FARSA: variants seen among roughly 807,000 people sequenced by gnomAD.
FARSA encodes the protein phenylalanyl-tRNA synthetase subunit alpha, also known as phenylalanine--tRNA ligase alpha subunit.
A neutral mutation model predicts 63.2 loss-of-function variants in FARSA; 37 were observed. The observed-to-expected ratio is 0.59, with a 90% confidence interval of 0.45 to 0.77. FARSA has a LOEUF of 0.77. Ranked by LOEUF, FARSA falls within the 30% of genes least tolerant of loss-of-function variation. The pLI is 0.00. For missense variants in FARSA, 618 were observed against 696.6 expected, an observed-to-expected ratio of 0.89 and a Z score of 1.27; for synonymous variants, 312 against 285.1, an observed-to-expected ratio of 1.09 and a Z score of -0.95.
At position 12,928,835 on chromosome 19, in the gene FARSA, G is replaced by A. The variant is rs1971358864; in HGVS notation, c.516C>T (p.Thr172=). The change falls in exon 5 of 13, where the codon ACC becomes ACT. Residue 172 remains threonine (T), a synonymous_variant. Transcript: ENST00000314606. ...AGGCACTGCCTTTGCTCACCCAGTA[G>A]GTCTTCAGAGTCCTGTGGCCAGGGG... ...RKLLAEVTLK[T]YWVSKGSAFS... 1 of 1,614,020 alleles carries A rather than the reference G, an allele frequency of 6.2e-7. No homozygotes were observed. Among genetic ancestry groups the A allele is most frequent in the Non-Finnish European group, 8.5e-7 (1 of 1,180,020 alleles).
In FARSA at chr19:12,922,752, G is replaced by A. The variant is rs758719242; in HGVS notation, c.1523C>T (p.Ala508Val). The A allele has an allele frequency of 1.7e-5, 27 of 1,613,592 alleles. No homozygotes were observed. The highest frequency in any genetic ancestry group is 1.3e-4 in the African/African-American group (10 of 75,024). The part of the protein sequence containing the change: ...EPRPPPTQEA[A>V] ...CCTGTCCTAGAGTGGCCCATGTCAC[G>A]CAGCCTCCTGTGTGGGAGGGGGCCT... The change falls in exon 13 of 13, where the codon GCG becomes GTG. Residue 508 changes from alanine to valine, a missense_variant. Transcript: ENST00000314606.
chr19:12,926,306 C>T (rs1388611821), intron 7 of FARSA, among the ~76,000 whole-genome samples: 9 of 145,074 alleles, frequency 6.2e-5, no homozygotes, highest in Non-Finnish European at 1.3e-4. Flanking sequence ...GAGTCTCGCT[C>T]AGTCACCCAG....
In FARSA at chr19:12,922,899, G is replaced by A; in HGVS notation, c.1389-13C>T. 1 of 1,614,044 alleles carries A rather than the reference G, an allele frequency of 6.2e-7. No individual in the cohort carries two copies. Among genetic ancestry groups the A allele is most frequent in the Non-Finnish European group, 8.5e-7 (1 of 1,180,020 alleles). Reference sequence around the variant, plus strand: ...GATCATCGTTGGGCTTGTGGGGGAGGGAACAGAGTTTATCATGAGGTCAGC... The same window carrying A: ...GATCATCGTTGGGCTTGTGGGGGAGAGAACAGAGTTTATCATGAGGTCAGC... On this transcript the variant is annotated splice_polypyrimidine_tract_variant and intron_variant, in intron 12 of 12. Transcript: ENST00000314606.
chr19:12,924,116 A>C lies in FARSA; in HGVS notation c.1388+35T>G. 1 of 1,542,884 alleles carries C rather than the reference A, an allele frequency of 6.5e-7. No individual in the cohort carries two copies. On this transcript the variant is annotated intron_variant, in intron 12 of 12. Transcript: ENST00000314606. The surrounding 1 kb of genome is among the most constrained non-coding windows in gnomAD (Gnocchi z 6.4). ...CTATACCTGGAGAGTTATTTGAGGC[A>C]GCTGGACACCCCGAGTTTCCACTTG...
At chr19:12,933,150 G>A (rs1971414357) in intron 1 of FARSA, 1 of 228,664 alleles carries the variant, frequency 4.4e-6, no homozygotes, top group Non-Finnish European at 8.8e-6. Flanking sequence ...CCTCAACAGA[G>A]AACAGACTCA....
At chr19:12,931,580 G>A (rs1265650627) in intron 1 of FARSA, among the ~76,000 whole-genome samples, 1 of 152,188 alleles carries the variant, frequency 6.6e-6, no homozygotes, top group Admixed American at 6.6e-5. Context: ...ACTTTTTAAA[G>A]ACAGGGTGTT....
At position 12,924,265 on chromosome 19, in the gene FARSA, C is replaced by T. The variant is rs1433533048; in HGVS notation, c.1274G>A (p.Gly425Asp). 7.4e-6 allele frequency: 12 copies of T among 1,613,374 alleles called. No individual in the cohort carries two copies. Among genetic ancestry groups the T allele is most frequent in the Non-Finnish European group, 9.3e-6 (11 of 1,179,508 alleles). ...TCCGACCTCCACCCACTTCTTCAGG[C>T]CTGCAGAGGCAGGACAGAAAAGACG... ...PSMEVFSYHQ[G>D]LKKWVEVGNS... Residue 425 changes from glycine to aspartate, a missense_variant and splice_region_variant, in exon 12 of 13, where the codon GGC becomes GAC. By Grantham distance (94) the Gly-to-Asp change is moderately conservative (BLOSUM62 -1). Coordinates refer to ENST00000314606, the MANE Select transcript of FARSA (RefSeq NM_004461.3). This position sits in a 1 kb window ranked among gnomAD's most constrained non-coding sequence, Gnocchi z 6.4.
rs774024421 is a variant in FARSA, at chr19:12,922,795, G to A, written c.1480C>T (p.Arg494Cys). The A allele has an allele frequency of 1.5e-5, 24 of 1,613,982 alleles. No individual in the cohort carries two copies. Among genetic ancestry groups the A allele is most frequent in the African/African-American group, 4.0e-5 (3 of 74,910 alleles). The change falls in exon 13 of 13, where the codon CGC becomes TGC. Residue 494 changes from arginine to cysteine, a missense_variant. Physicochemically the swap from Arg to Cys is radical, Grantham distance 180. Transcript: ENST00000314606. Reference protein sequence around the residue: ...LQMVYDSPLCRLDAEPRPPPT... With the variant: ...LQMVYDSPLCCLDAEPRPPPT... ...GGGGGCCTCGGCTCGGCATCCAGGC[G>A]GCACAGGGGACTGTCATACACCATC... is the stretch of plus-strand genomic sequence containing the variant.
intron 7 of FARSA, among the ~76,000 whole-genome samples, chr19:12,927,765 G>A (rs1000662199): frequency 5.1e-5 from 7 of 136,640 alleles, no homozygotes; most frequent in South Asian, 2.3e-4. Context: ...AGCCAGGTGC[G>A]GTGGCTCACG....
At position 12,924,530 on chromosome 19, in the gene FARSA, C is replaced by T. The variant is rs767187109; in HGVS notation, c.1196-4G>A. On this transcript the variant is annotated splice_region_variant and splice_polypyrimidine_tract_variant and intron_variant, in intron 10 of 12. Coordinates refer to ENST00000314606, the MANE Select transcript of FARSA (RefSeq NM_004461.3). The surrounding 1 kb of genome is among the most constrained non-coding windows in gnomAD (Gnocchi z 6.4). ...TTGAAGCGGAGTTGCGTGATACCTG[C>T]AGGAAGTGGGGGGCGGGCAGGAGAG... 1 of 1,613,506 alleles carries T rather than the reference C, an allele frequency of 6.2e-7. No homozygotes were observed. Among genetic ancestry groups the T allele is most frequent in the South Asian group, 1.1e-5 (1 of 91,078 alleles).
rs776952004 is a variant in FARSA, at chr19:12,930,282, A to G, written c.444T>C (p.Ala148=). 1.6e-5 allele frequency: 26 copies of G among 1,614,000 alleles called. No individual in the cohort carries two copies. Among genetic ancestry groups the G allele is most frequent in the South Asian group, 1.3e-4 (12 of 91,074 alleles). ...TCCTCTCCTTCTCCCCCAGCTTCTCAGCCTGTCCCCCCCGGACCAGCTGGA... is the reference window on the plus strand; with the variant it reads ...TCCTCTCCTTCTCCCCCAGCTTCTCGGCCTGTCCCCCCCGGACCAGCTGGA... ...RRLQLVRGGQ[A]EKLGEKERSE... is the part of the protein sequence containing the mutation. Residue 148 remains alanine (A), a synonymous_variant, in exon 4 of 13, where the codon GCT becomes GCC. Coordinates refer to ENST00000314606, the MANE Select transcript of FARSA (RefSeq NM_004461.3).
intron 12 of FARSA, among the ~76,000 whole-genome samples, chr19:12,923,191 T>C (rs772868569): frequency 1.3e-5 from 2 of 152,182 alleles, no homozygotes; most frequent in Non-Finnish European, 2.9e-5. Context: ...TAGATTTTGC[T>C]TAGGTGGCAC....
At chr19:12,930,390 C>CCCGTCCA in intron 3 of FARSA, 39 bp downstream of exon 3, 1 of 1,612,614 alleles carries the variant, frequency 6.2e-7, no homozygotes, top group African/African-American at 1.3e-5. Flanking sequence ...GGCCCATGTG[C>CCCGTCCA]CCGTCCACCT....
chr19:12,931,541 G>T (rs1293434916), intron 1 of FARSA, among the ~76,000 whole-genome samples: 2 of 152,156 alleles, frequency 1.3e-5, no homozygotes, highest in East Asian at 3.9e-4. Flanking sequence ...GATTACAGGC[G>T]TGAGCCGCCG....
Position 12,933,607 on chromosome 19 carries a change from C to T in FARSA, c.90G>A (p.Leu30=). The change falls in exon 1 of 13, where the codon CTG becomes CTA. Residue 30 remains leucine (L), a synonymous_variant. Coordinates refer to ENST00000314606, the MANE Select transcript of FARSA (RefSeq NM_004461.3). The stretch of plus-strand genomic sequence containing the variant: ...CCACCACCGCCTGGTGCTCCATGCC[C>T]AGCTCAGCCGCCAACTCGGCGCTGT... ...GLDSAELAAE[L]GMEHQAVVGA... is the part of the protein sequence containing the mutation. 1 of 1,555,846 alleles carries T rather than the reference C, an allele frequency of 6.4e-7. No homozygotes were observed. Among genetic ancestry groups the T allele is most frequent in the South Asian group, 1.2e-5 (1 of 85,310 alleles).
intron 6 of FARSA, 36 bp from the exon 7 acceptor site, chr19:12,928,493 C>T (rs1414608036): frequency 6.2e-7 from 1 of 1,613,726 alleles, no homozygotes; most frequent in Admixed American, 1.7e-5. Context: ...CCTGCCTGTA[C>T]CCAGCAGAAG....
Position 12,924,870 on chromosome 19 carries a change from TCCCCACTG to T in FARSA, c.1026+26_1026+33del. On this transcript the variant is annotated intron_variant, in intron 9 of 12. Transcript: ENST00000314606. This position sits in a 1 kb window ranked among gnomAD's most constrained non-coding sequence, Gnocchi z 6.4. ...AGAAGGTCCCTTTGACAGCACCCTC[TCCCCACTG>T]GGGCCCCCGCCTGGGCCAACCGCAC... is the stretch of plus-strand genomic sequence containing the variant. The T allele has an allele frequency of 6.2e-7, 1 of 1,613,998 alleles. No homozygotes were observed. The highest frequency in any genetic ancestry group is 8.5e-7 in the Non-Finnish European group (1 of 1,179,916).
intron 1 of FARSA, 91 bp downstream of exon 1, chr19:12,933,459 C>A: frequency 6.9e-7 from 1 of 1,454,166 alleles, no homozygotes; most frequent in East Asian, 2.5e-5. Flanking sequence ...CAAACTAGGC[C>A]TGAGGGAATT....
intron 7 of FARSA, among the ~76,000 whole-genome samples, chr19:12,926,516 G>A (rs892932057): frequency 2.8e-5 from 4 of 143,158 alleles, no homozygotes; most frequent in South Asian, 2.2e-4. Context: ...CTCGCGATCC[G>A]CCCGTCTCAG....
Sources: allele counts gnomAD v4.1 joint callset (sites outside exome capture counted in the v4.1 genomes callset), GRCh38; gene constraint gnomAD v4.1.1; non-coding constraint Gnocchi (gnomAD v3.1); transcripts MANE v1.5; gene names NCBI Gene and HGNC (gene_info 2026-07-23, HGNC 2026-07-21).